Variants in SEMA3A observed in about 807,000 individuals in gnomAD.
SEMA3A encodes the protein semaphorin-3A.
A neutral mutation model predicts 97.9 loss-of-function variants in SEMA3A; 29 were observed. That is an observed-to-expected ratio of 0.30 (90% CI 0.22 to 0.40). The LOEUF is 0.40. Ranked by LOEUF, SEMA3A falls within the 10% of genes least tolerant of loss-of-function variation. The pLI, the probability that SEMA3A is intolerant of heterozygous loss-of-function variation, is 1.00. For synonymous variants in SEMA3A, 321 were observed against 323.7 expected, an observed-to-expected ratio of 0.99 and a Z score of 0.09; for missense variants, 763 against 951.3, an observed-to-expected ratio of 0.80 and a Z score of 2.60.
chr7:84,017,924 C>T (rs1044566294), intron 6 of SEMA3A, among the ~76,000 whole-genome samples: 5 of 152,124 alleles, frequency 3.3e-5, no homozygotes, highest in Non-Finnish European at 2.9e-5. Flanking sequence ...GATTTTTTTC[C>T]CTTTGTCCTT....
rs11396239 is a variant in SEMA3A at position 84,482,864 on chromosome 7, G to GTT, written c.-246+9594_-246+9595dup. Among the ~76,000 whole-genome samples, 1,164 of 139,832 alleles carry GTT rather than the reference G, an allele frequency of 8.3e-3. 10 individuals carry two copies. Among genetic ancestry groups the GTT allele is most frequent in the Middle Eastern group, 0.026 (7 of 266 alleles). 91.7% of individuals were successfully genotyped at this position (139,832 alleles called of 152,430 possible). A position where few individuals can be genotyped will look rare whatever the true frequency, so the allele number is the denominator to read the frequency against. On this transcript the variant is annotated intron_variant, in intron 1 of 3. Transcript: ENST00000424555. ...GTTACATGATAGACTCAAAATTCTAGTTTTTTTTTTTTTTTGGAGTGTAGT... is the reference window on the plus strand; with the variant it reads ...GTTACATGATAGACTCAAAATTCTAGTTTTTTTTTTTTTTTTTGGAGTGTAGT...
chr7:83,981,514 C>A, intron 13 of SEMA3A, 36 bp from the exon 14 acceptor site: 1 of 1,502,200 alleles, frequency 6.7e-7, no homozygotes, highest in South Asian at 1.3e-5. Flanking sequence ...CAAAAACTAT[C>A]TTGTCTTTTA....
chr7:84,160,204 T>TA (rs1463708262), intron 1 of SEMA3A, among the ~76,000 whole-genome samples: 19 of 151,842 alleles, frequency 1.3e-4, no homozygotes, highest in African/African-American at 3.9e-4. Context: ...TTAGTGAGAT[T>TA]AAAAAAAACT....
intron 6 of SEMA3A, among the ~76,000 whole-genome samples, chr7:84,042,162 T>C (rs939008952): frequency 2.6e-5 from 4 of 152,234 alleles, no homozygotes; most frequent in Middle Eastern, 3.4e-3. Context: ...AATATCCTAG[T>C]ACATGACCAC....
intron 4 of SEMA3A, among the ~76,000 whole-genome samples, chr7:84,092,532 T>C (rs1221353060): frequency 6.6e-6 from 1 of 152,172 alleles, no homozygotes; most frequent in East Asian, 1.9e-4. Context: ...TGCTACTTTT[T>C]TTCAATGTGA....
At chr7:84,121,026 T>G (rs1795595601) in intron 3 of SEMA3A, among the ~76,000 whole-genome samples, 1 of 152,140 alleles carries the variant, frequency 6.6e-6, no homozygotes, top group South Asian at 2.1e-4. Context: ...ATAATAGGTA[T>G]AGCATGCTGA....
intron 2 of SEMA3A, among the ~76,000 whole-genome samples, chr7:84,364,539 T>C (rs1357607023): frequency 6.6e-6 from 1 of 151,776 alleles, no homozygotes; most frequent in Non-Finnish European, 1.5e-5. Flanking sequence ...AAAAAGTATA[T>C]TGTTATATTG....
Position 84,194,631 on chromosome 7 carries a change from T to C in SEMA3A, c.-45A>G. On this transcript the variant is annotated 5_prime_UTR_variant, in exon 1 of 17. Transcript: ENST00000265362. ...CCTTTGCTGCTTTAGTCTTCCTTCC[T>C]GTATTGTGCGGCCAGAGAAGTTCAA... 8.2e-7 allele frequency: 1 copy of C among 1,226,316 alleles called. No homozygotes were observed. The highest frequency in any genetic ancestry group is 1.2e-6 in the Non-Finnish European group (1 of 831,818). The allele number at this position is 1,226,316 out of a possible 1,614,324, so 76.0% of individuals were successfully genotyped here.
chr7:84,072,746 T>C (rs1473209563), intron 4 of SEMA3A, among the ~76,000 whole-genome samples: 1 of 152,136 alleles, frequency 6.6e-6, no homozygotes, highest in African/African-American at 2.4e-5. Flanking sequence ...ATAACAATAA[T>C]ACATTACAGA....
intron 1 of SEMA3A, among the ~76,000 whole-genome samples, chr7:84,391,735 G>A (rs1288219216): frequency 1.3e-5 from 2 of 152,202 alleles, no homozygotes; most frequent in Admixed American, 6.5e-5. Flanking sequence ...ACTTTGGGAG[G>A]TCAAGGTGGG....
intron 1 of SEMA3A, among the ~76,000 whole-genome samples, chr7:84,172,434 C>CT (rs1246522273): frequency 1.3e-5 from 2 of 151,120 alleles, no homozygotes; most frequent in Admixed American, 6.6e-5. Context: ...TTCTTTTTTT[C>CT]TTTTTTGAGA....
At chr7:84,434,945 A>C (rs966916523) in intron 1 of SEMA3A, among the ~76,000 whole-genome samples, 3 of 152,186 alleles carry the variant, frequency 2.0e-5, no homozygotes, top group African/African-American at 7.2e-5. Context: ...TGAGAAGTGG[A>C]ACAAGACAAG....
intron 3 of SEMA3A, among the ~76,000 whole-genome samples, chr7:84,258,408 A>G (rs965772309): frequency 3.3e-5 from 5 of 152,170 alleles, no homozygotes; most frequent in Middle Eastern, 3.2e-3. Context: ...CCACCATATA[A>G]AAGTTCAAGG....
At chr7:84,437,938 A>C (rs1196021618) in intron 1 of SEMA3A, among the ~76,000 whole-genome samples, 1 of 152,082 alleles carries the variant, frequency 6.6e-6, no homozygotes, top group East Asian at 1.9e-4. Flanking sequence ...TGATTTTTTA[A>C]AAAACCTAAA....
chr7:84,277,867 A>T (rs1800347714), intron 3 of SEMA3A, among the ~76,000 whole-genome samples: 1 of 152,030 alleles, frequency 6.6e-6, no homozygotes, highest in South Asian at 2.1e-4. Flanking sequence ...GGATGTTAGT[A>T]TTTGGCTTCC....
At chr7:84,293,785 T>G (rs937634120) in intron 3 of SEMA3A, among the ~76,000 whole-genome samples, 1 of 152,044 alleles carries the variant, frequency 6.6e-6, no homozygotes, top group African/African-American at 2.4e-5. Context: ...GGGGAAAAAT[T>G]AAAAACAATC....
chr7:84,165,207 AAAATAAATAAAT>A (rs146165604), intron 1 of SEMA3A, among the ~76,000 whole-genome samples: 2 of 151,346 alleles, frequency 1.3e-5, no homozygotes, highest in African/African-American at 4.9e-5. Flanking sequence ...TCCTCGTCTC[AAAATAAATAAAT>A]AAATAAATAA....
rs181431958 is a variant in SEMA3A, at chr7:84,014,083, T to G, written c.810+126A>C. On this transcript the variant is annotated intron_variant, in intron 7 of 16. Transcript: ENST00000265362. ...TAATATTCAATCATTATTTACCATT[T>G]ATTTGTTATGTGAGTCAAGCTTTAG... 1,580 of 724,942 alleles carry G rather than the reference T, an allele frequency of 2.2e-3. 6 individuals are homozygous for G. Among genetic ancestry groups the G allele is most frequent in the Non-Finnish European group, 3.1e-3 (1,365 of 442,378 alleles). The allele number at this position is 724,942 out of a possible 1,614,324, so 44.9% of individuals were successfully genotyped here.
intron 6 of SEMA3A, among the ~76,000 whole-genome samples, chr7:84,043,898 T>C (rs1324422064): frequency 6.6e-6 from 1 of 152,072 alleles, no homozygotes; most frequent in African/African-American, 2.4e-5. Flanking sequence ...GTGTAAATTC[T>C]TCAGACTCAG....
Sources: gnomAD v4.1 joint callset for allele counts (sites outside exome capture counted in the v4.1 genomes callset) on GRCh38, gnomAD v4.1.1 for gene constraint, MANE v1.5 for transcripts, NCBI Gene and HGNC (gene_info 2026-07-23, HGNC 2026-07-21) for gene names.